The following HES6 variants were observed in gnomAD, a reference collection of about 807,000 sequenced individuals.
HES6 encodes the protein transcription cofactor HES-6.
Under a neutral mutation model 16.4 loss-of-function variants are expected in HES6, and 24 were observed. The observed-to-expected ratio is 1.46, with a 90% CI of 1.06 to 2.06. The LOEUF is 2.06. HES6 is among the 30% of genes most tolerant of loss of function. The pLI is 0.00. For missense variants in HES6, 355 were observed against 317.6 expected (o/e 1.12, Z -0.90); for synonymous variants, 159 against 144.3 (o/e 1.10, Z -0.73).
In HES6 at chr2:238,239,714, C is replaced by T. The variant is rs1237836324; in HGVS notation, c.115G>A (p.Ala39Thr). Reference sequence around the variant, plus strand: ...TCCTGCAGGCTCTCGTTGATCCGCGCGCGCCGCTTCTTCTCCACCAGGGGC... The same window carrying T: ...TCCTGCAGGCTCTCGTTGATCCGCGTGCGCCGCTTCTTCTCCACCAGGGGC... ...RKPLVEKKRR[A>T]RINESLQELR... Residue 39 changes from alanine (A) to threonine (T), a missense_variant, in exon 2 of 4, where the codon GCG (alanine) becomes ACG (threonine). Physicochemically the swap from Ala to Thr is moderately conservative, Grantham distance 58. Coordinates refer to ENST00000272937, the MANE Select transcript of HES6 (RefSeq NM_018645.6). The T allele has an allele frequency of 1.5e-6, 2 of 1,343,328 alleles. No individual in the cohort carries two copies. The highest frequency in any genetic ancestry group is 3.1e-5 in the East Asian group (1 of 32,598). The allele number at this position is 1,343,328 out of a possible 1,614,324, so 83.2% of individuals were successfully genotyped here.
At position 238,239,942 on chromosome 2, in the gene HES6, AGCGGGGACGGGGAGCG is replaced by A. The variant is rs1276120652; in HGVS notation, c.-53_-38del. ...CGGGGACGCGGCAGGGGCTAGGAGC[AGCGGGGACGGGGAGCG>A]GCGGGGACCGGAGTGCCGGCGCCCT... On this transcript the variant is annotated 5_prime_UTR_variant, in exon 1 of 4. Coordinates refer to ENST00000272937, the MANE Select transcript of HES6 (RefSeq NM_018645.6). 55 of 1,176,908 alleles carry A rather than the reference AGCGGGGACGGGGAGCG, an allele frequency of 4.7e-5. No homozygotes were observed. The highest frequency in any genetic ancestry group is 5.2e-5 in the Non-Finnish European group (49 of 948,768). 72.9% of individuals were successfully genotyped at this position (1,176,908 alleles called of 1,614,324 possible).
At position 238,239,141 on chromosome 2, in the gene HES6, C is replaced by CATT; in HGVS notation, c.360_361insAAT (p.Thr120_Val121insAsn). On this transcript the variant is annotated inframe_insertion, in exon 4 of 4. Coordinates refer to ENST00000272937, the MANE Select transcript of HES6 (RefSeq NM_018645.6). ...AGATGGTTCAGGAGCTCGGCAGCGA[C>CATT]GGTAGCGTCGATGGCCTGGCACGTG... The CATT allele has an allele frequency of 6.2e-7, 1 of 1,612,590 alleles. No homozygotes were observed. Among genetic ancestry groups the CATT allele is most frequent in the Admixed American group, 1.7e-5 (1 of 60,032 alleles).
rs1353725851 is a variant in HES6, at chr2:238,240,003, C to T, written c.-98G>A. The T allele has an allele frequency of 3.8e-5, 26 of 687,030 alleles. No homozygotes were observed. Among genetic ancestry groups the T allele is most frequent in the Non-Finnish European group, 3.9e-5 (20 of 515,482 alleles). The allele number at this position is 687,030 out of a possible 1,614,324, so 42.6% of individuals were successfully genotyped here. ...CGCCCTCCGCTGCCCCGCGGCCGCC[C>T]AGCAGCAGCCCAGCCGTCCGCGCTC... On this transcript the variant is annotated 5_prime_UTR_variant, in exon 1 of 4. Coordinates refer to ENST00000272937, the MANE Select transcript of HES6 (RefSeq NM_018645.6).
Position 238,239,871 on chromosome 2 carries a change from A to G in HES6, c.35T>C (p.Val12Ala). The G allele has an allele frequency of 7.5e-7, 1 of 1,339,268 alleles. No individual in the cohort carries two copies. Among genetic ancestry groups the G allele is most frequent in the South Asian group, 1.9e-5 (1 of 52,278 alleles). 83.0% of individuals were successfully genotyped at this position (1,339,268 alleles called of 1,614,324 possible). Residue 12 changes from valine (V) to alanine (A), a missense_variant, in exon 1 of 4, where the codon GTG becomes GCG. Transcript: ENST00000272937. Reference sequence around the variant, plus strand: ...CCAGCCGTCCTCATCCTCACGGCCCACACGGTCCCGGCCAGGCGCCGCGGG... The same window carrying G: ...CCAGCCGTCCTCATCCTCACGGCCCGCACGGTCCCGGCCAGGCGCCGCGGG... ...APPAAPGRDR[V>A]GREDEDGWET...
rs1181027868 is a variant in HES6, at chr2:238,238,896, G to C, written c.606C>G (p.Asp202Glu). ...GGCTGCCCAGGGCTGCGGGCACCAA[G>C]TCGGGCCCCTCAGCAGGAGCCTGAC... The part of the protein sequence containing the change: ...ELSQAPAEGP[D>E]LVPAALGSLT... Residue 202 changes from aspartate to glutamate, a missense_variant, in exon 4 of 4, where the codon GAC (aspartate) becomes GAG (glutamate). Asp to Glu is a conservative substitution (Grantham distance 45). Transcript: ENST00000272937. The C allele has an allele frequency of 1.3e-6, 2 of 1,582,102 alleles. No homozygotes were observed. The highest frequency in any genetic ancestry group is 2.3e-5 in the East Asian group (1 of 43,272).
At position 238,239,137 on chromosome 2, in the gene HES6, G is replaced by A; in HGVS notation, c.365C>T (p.Ala122Val). Residue 122 changes from alanine (A) to valine (V), a missense_variant, in exon 4 of 4, where the codon GCT (alanine) becomes GTT (valine). Coordinates refer to ENST00000272937, the MANE Select transcript of HES6 (RefSeq NM_018645.6). ...GAGCAGATGGTTCAGGAGCTCGGCA[G>A]CGACGGTAGCGTCGATGGCCTGGCA... ...STCQAIDATV[A>V]AELLNHLLES... is the part of the protein sequence containing the mutation. 2 of 1,612,620 alleles carry A rather than the reference G, an allele frequency of 1.2e-6. No individual in the cohort carries two copies. Among genetic ancestry groups the A allele is most frequent in the Non-Finnish European group, 8.5e-7 (1 of 1,179,914 alleles).
rs773764313 is a variant in HES6, at chr2:238,239,222, C to G, written c.280G>C (p.Glu94Gln). 2 of 1,608,968 alleles carry G rather than the reference C, an allele frequency of 1.2e-6. No homozygotes were observed. The highest frequency in any genetic ancestry group is 4.5e-5 in the East Asian group (2 of 44,836). The change falls in exon 4 of 4, where the codon GAG (glutamate) becomes CAG (glutamine). Residue 94 changes from glutamate (E) to glutamine (Q), a missense_variant. By Grantham distance (29) the Glu-to-Gln change is conservative (BLOSUM62 2). Transcript: ENST00000272937. ...EREQLQAEAS[E>Q]RFAAGYIQCM... Reference sequence around the variant, plus strand: ...TGGATGTAGCCGGCAGCGAAGCGCTCGCTCGCTTCCGCCTGCAGCTGCTCG... The same window carrying G: ...TGGATGTAGCCGGCAGCGAAGCGCTGGCTCGCTTCCGCCTGCAGCTGCTCG...
In HES6 at chr2:238,239,762, G is replaced by A. The variant is rs1695264286; in HGVS notation, c.82-15C>T. 2 of 1,399,374 alleles carry A rather than the reference G, an allele frequency of 1.4e-6. No homozygotes were observed. The highest frequency in any genetic ancestry group is 9.3e-7 in the Non-Finnish European group (1 of 1,069,752). 86.7% of individuals were successfully genotyped at this position (1,399,374 alleles called of 1,614,324 possible). On this transcript the variant is annotated splice_polypyrimidine_tract_variant and intron_variant, in intron 1 of 3. Coordinates refer to ENST00000272937, the MANE Select transcript of HES6 (RefSeq NM_018645.6). ...GGCTTCCGGGCCTGCGGGGAGCGGG[G>A]CACTGAATCCCAGCCCCGCACGGCC...
intron 2 of HES6, 32 bp downstream of exon 2, chr2:238,239,629 G>A (rs1422614257): frequency 3.1e-6 from 1 of 323,002 alleles, no homozygotes; most frequent in Non-Finnish European, 4.3e-6. Context: ...CGCCCGCCCC[G>A]CAGCCCCACG....
intron 1 of HES6, 38 bp from the exon 2 acceptor site, chr2:238,239,785 G>A: frequency 7.1e-7 from 1 of 1,399,960 alleles, no homozygotes; most frequent in Non-Finnish European, 9.4e-7. Flanking sequence ...GCCCCGCACG[G>A]CCTCCCGCCC....
chr2:238,239,641 C>A lies in HES6; in HGVS notation c.168+20G>T. The A allele has an allele frequency of 8.8e-7, 1 of 1,135,136 alleles. No individual in the cohort carries two copies. The highest frequency in any genetic ancestry group is 1.1e-6 in the Non-Finnish European group (1 of 925,608). 70.3% of individuals were successfully genotyped at this position (1,135,136 alleles called of 1,614,324 possible). On this transcript the variant is annotated intron_variant, in intron 2 of 3. Coordinates refer to ENST00000272937, the MANE Select transcript of HES6 (RefSeq NM_018645.6). ...GCCCGCCCGCCCCGCAGCCCCACGG[C>A]GCCTGCCCGGCCGCCGCACCTCGGC...
In HES6 at chr2:238,239,758, C is replaced by T; in HGVS notation, c.82-11G>A. On this transcript the variant is annotated splice_polypyrimidine_tract_variant and intron_variant, in intron 1 of 3. Coordinates refer to ENST00000272937, the MANE Select transcript of HES6 (RefSeq NM_018645.6). ...CAGGGGCTTCCGGGCCTGCGGGGAG[C>T]GGGGCACTGAATCCCAGCCCCGCAC... 3.6e-6 allele frequency: 5 copies of T among 1,396,012 alleles called. No homozygotes were observed. Among genetic ancestry groups the T allele is most frequent in the East Asian group, 3.0e-5 (1 of 33,578 alleles). The allele number at this position is 1,396,012 out of a possible 1,614,324, so 86.5% of individuals were successfully genotyped here.
rs1014049141 is a variant in HES6, at chr2:238,239,044, G to A, written c.458C>T (p.Pro153Leu). ...DLLGDALAGPPRAPGRSGWPA... is the reference protein window; with the variant it reads ...DLLGDALAGPLRAPGRSGWPA... Reference sequence around the variant, plus strand: ...CCAGCCACTCCGTCCAGGGGCTCTAGGTGGCCCCGCCAGGGCGTCCCCCAG... The same window carrying A: ...CCAGCCACTCCGTCCAGGGGCTCTAAGTGGCCCCGCCAGGGCGTCCCCCAG... Residue 153 changes from proline (P) to leucine (L), a missense_variant, in exon 4 of 4, where the codon CCT becomes CTT. Pro to Leu is a moderately conservative substitution (Grantham distance 98). Coordinates refer to ENST00000272937, the MANE Select transcript of HES6 (RefSeq NM_018645.6). 1.9e-6 allele frequency: 3 copies of A among 1,611,652 alleles called. No individual in the cohort carries two copies. The African/African-American group carries it at 4.0e-5, about 22-fold the overall frequency.
chr2:238,238,977 C>G lies in HES6; in HGVS notation c.525G>C (p.Pro175=). ...CGGAGCACAGGTCGTCCCCAGGACC[C>G]GGGGGGCTGGGTATTGGGGATCCCG... The part of the protein sequence containing the change: ...GAPGSPIPSP[P]GPGDDLCSDL... The change falls in exon 4 of 4, where the codon CCG becomes CCC. Residue 175 remains proline, a synonymous_variant. Transcript: ENST00000272937. The G allele has an allele frequency of 6.2e-7, 1 of 1,603,576 alleles. No homozygotes were observed.
Position 238,239,663 on chromosome 2 carries a change from C to A in HES6, c.166G>T (p.Glu56Ter). The change falls in exon 2 of 4, where the codon GAG becomes TAG. Residue 56 changes from glutamate to a stop codon, truncating the protein, a stop_gained and splice_region_variant. Transcript: ENST00000272937. LOFTEE classifies it high-confidence loss of function. ...QELRLLLAGA[E>*]VQAKLENAEV... is the part of the protein sequence containing the mutation. ...CGGCGCCTGCCCGGCCGCCGCACCT[C>A]GGCGCCCGCCAGCAGCAGCCGCAGC... The A allele has an allele frequency of 8.5e-7, 1 of 1,177,058 alleles. No homozygotes were observed. The highest frequency in any genetic ancestry group is 1.0e-6 in the Non-Finnish European group (1 of 952,378). The allele number at this position is 1,177,058 out of a possible 1,614,324, so 72.9% of individuals were successfully genotyped here.
At chr2:238,239,611 G>GGGGGGGGGGGCCCCCC in intron 2 of HES6, 43 bp from the exon 3 acceptor site, 1 of 1,135,692 alleles carries the variant, frequency 8.8e-7, no homozygotes, top group Non-Finnish European at 1.1e-6. Flanking sequence ...CGCGCTCCCG[G>GGGGGGGGGGGCCCCCC]ACCCGCCCGC....
In HES6 at chr2:238,239,011, C is replaced by CCCG. The variant is rs1559315384; in HGVS notation, c.488_490dup (p.Ala163dup). ...GGGTATTGGGGATCCCGGAGCGCCC[C>CCCG]CCGCAGGCCAGCCACTCCGTCCAGG... is the stretch of plus-strand genomic sequence containing the variant. On this transcript the variant is annotated inframe_insertion, in exon 4 of 4. Coordinates refer to ENST00000272937, the MANE Select transcript of HES6 (RefSeq NM_018645.6). 6.2e-7 allele frequency: 1 copy of CCCG among 1,608,180 alleles called. No homozygotes were observed. The highest frequency in any genetic ancestry group is 8.5e-7 in the Non-Finnish European group (1 of 1,178,570).
rs759921032 is a variant in HES6 at position 238,239,156 on chromosome 2, C to T, written c.346G>A (p.Ala116Thr). The T allele has an allele frequency of 6.2e-7, 1 of 1,612,576 alleles. No individual in the cohort carries two copies. Among genetic ancestry groups the T allele is most frequent in the South Asian group, 1.1e-5 (1 of 91,090 alleles). ...TCGGCAGCGACGGTAGCGTCGATGG[C>T]CTGGCACGTGGACACGAACGTGTGC... ...EVHTFVSTCQ[A>T]IDATVAAELL... Residue 116 changes from alanine to threonine, a missense_variant, in exon 4 of 4, where the codon GCC becomes ACC. Coordinates refer to ENST00000272937, the MANE Select transcript of HES6 (RefSeq NM_018645.6).
intron 2 of HES6, 43 bp from the exon 3 acceptor site, chr2:238,239,611 G>GGGGGCCCC: frequency 4.4e-6 from 5 of 1,135,616 alleles, no homozygotes; most frequent in South Asian, 3.9e-5. Context: ...CGCGCTCCCG[G>GGGGGCCCC]ACCCGCCCGC....
Sources: gnomAD v4.1 joint callset for allele counts on GRCh38, gnomAD v4.1.1 for gene constraint, MANE v1.5 for transcripts, NCBI Gene and HGNC (gene_info 2026-07-23, HGNC 2026-07-21) for gene names.